The following HBEGF variants were observed in gnomAD, a reference collection of about 807,000 sequenced individuals.
HBEGF encodes the protein proheparin-binding EGF-like growth factor.
In HBEGF, 8 loss-of-function variants were observed where a neutral mutation model predicts 19.5. That is an observed-to-expected ratio of 0.41 (90% CI 0.24 to 0.74). The LOEUF (loss-of-function observed/expected upper bound fraction) is 0.74, where lower values mean the gene tolerates loss of function less well. HBEGF is among the 30% of genes least tolerant of loss of function. The pLI is 0.32. For synonymous variants in HBEGF, 97 were observed against 108.9 expected (o/e 0.89, Z 0.68); for missense variants, 207 against 256.9 (o/e 0.81, Z 1.33).
At position 140,346,284 on chromosome 5, in the gene HBEGF, T is replaced by C; in HGVS notation, c.45A>G (p.Ala15=). ...CGGGGGCGTCGGCAGCCCTCTTACC[T>C]GCAGCCAGAAAGAGCTTCAGCACCA... ...PSVVLKLFLA[A]VLSALVTGES... Residue 15 remains alanine, a splice_region_variant and synonymous_variant, in exon 1 of 6, where the codon GCA becomes GCG. Transcript: ENST00000230990. The surrounding 1 kb of genome is among the most constrained non-coding windows in gnomAD (Gnocchi z 6.1). 1 of 1,606,328 alleles carries C rather than the reference T, an allele frequency of 6.2e-7. No homozygotes were observed. The highest frequency in any genetic ancestry group is 1.7e-5 in the Admixed American group (1 of 59,460).
chr5:140,341,303 G>A (rs952354103), intron 3 of HBEGF, among the ~76,000 whole-genome samples: 3 of 152,208 alleles, frequency 2.0e-5, no homozygotes, highest in African/African-American at 7.2e-5. Flanking sequence ...ATCTGGTATA[G>A]ACAGATTCCT....
chr5:140,344,566 C>T (rs1196462543), intron 2 of HBEGF, among the ~76,000 whole-genome samples: 1 of 151,940 alleles, frequency 6.6e-6, no homozygotes, highest in African/African-American at 2.4e-5. Flanking sequence ...ATCCCCAGAC[C>T]TGAAAAATAG....
At chr5:140,342,896 CT>C in intron 2 of HBEGF, 84 bp from the exon 3 acceptor site, 1 of 1,385,886 alleles carries the variant, frequency 7.2e-7, no homozygotes, top group Non-Finnish European at 1.0e-6. Context: ...AGTATATATG[CT>C]TTGATTCCAC....
chr5:140,341,755 AG>A (rs746744844), intron 3 of HBEGF, among the ~76,000 whole-genome samples: 3 of 152,188 alleles, frequency 2.0e-5, no homozygotes, highest in African/African-American at 4.8e-5. Flanking sequence ...CCCTCCCCAC[AG>A]GGAAGGGAAT....
intron 4 of HBEGF, 40 bp from the exon 5 acceptor site, chr5:140,334,788 T>G: frequency 6.7e-7 from 1 of 1,485,540 alleles, no homozygotes; most frequent in Non-Finnish European, 9.4e-7. Flanking sequence ...CTGCCTGCTA[T>G]GACAAAGTGC....
At chr5:140,340,383 C>T (rs886378643) in intron 3 of HBEGF, among the ~76,000 whole-genome samples, 8 of 151,640 alleles carry the variant, frequency 5.3e-5, no homozygotes, top group Non-Finnish European at 1.0e-4. Flanking sequence ...AGTTCAAGAC[C>T]AGCCTGGCCA....
intron 4 of HBEGF, among the ~76,000 whole-genome samples, chr5:140,335,420 C>A (rs928007050): frequency 1.3e-5 from 2 of 150,870 alleles, no homozygotes; most frequent in Non-Finnish European, 3.0e-5. Flanking sequence ...AGAAAACAGG[C>A]ATAGAGTGCT....
chr5:140,341,565 AGGGCAGCTCTGCT>A (rs986708697), intron 3 of HBEGF, among the ~76,000 whole-genome samples: 3 of 152,172 alleles, frequency 2.0e-5, no homozygotes, highest in Admixed American at 6.5e-5. Context: ...TGCCAAATAC[AGGGCAGCTCTGCT>A]GTGTGTGATC....
At chr5:140,335,276 C>G in intron 4 of HBEGF, 1 of 155,546 alleles carries the variant, frequency 6.4e-6, no homozygotes, top group Non-Finnish European at 1.4e-5. Flanking sequence ...CCCAGCTACT[C>G]AGGAGGCTGA....
At chr5:140,341,238 C>A (rs1442553466) in intron 3 of HBEGF, among the ~76,000 whole-genome samples, 1 of 152,188 alleles carries the variant, frequency 6.6e-6, no homozygotes. Flanking sequence ...CCTTATAAGG[C>A]CTCTCAACCA....
chr5:140,339,756 G>A (rs1766280293), intron 3 of HBEGF, among the ~76,000 whole-genome samples: 2 of 152,154 alleles, frequency 1.3e-5, no homozygotes, highest in Non-Finnish European at 2.9e-5. Context: ...TGTTCATGGT[G>A]GCTGCAGAGG....
chr5:140,343,511 C>T (rs1766346943), intron 2 of HBEGF, among the ~76,000 whole-genome samples: 1 of 152,176 alleles, frequency 6.6e-6, no homozygotes, highest in Non-Finnish European at 1.5e-5. Context: ...TCATATTTAA[C>T]CCCCAATGTC....
intron 3 of HBEGF, among the ~76,000 whole-genome samples, chr5:140,339,725 G>A (rs951354847): frequency 2.6e-5 from 4 of 152,094 alleles, no homozygotes; most frequent in Non-Finnish European, 5.9e-5. Flanking sequence ...CTTTTGGCTG[G>A]TGACACAAAA....
intron 3 of HBEGF, among the ~76,000 whole-genome samples, chr5:140,338,347 G>A (rs1376541100): frequency 6.6e-6 from 1 of 152,166 alleles, no homozygotes; most frequent in Non-Finnish European, 1.5e-5. Flanking sequence ...TTTTAAAGAT[G>A]GACTGAGGCT....
chr5:140,335,301 G>A (rs1050824569), intron 4 of HBEGF, among the ~76,000 whole-genome samples: 15 of 150,434 alleles, frequency 1.0e-4, no homozygotes, highest in East Asian at 2.0e-4. Flanking sequence ...GGAGAATGGC[G>A]TGAACCCAGG....
Position 140,345,985 on chromosome 5 carries a change from T to C in HBEGF, c.146A>G (p.Gln49Arg), listed in dbSNP as rs1292382560. The C allele has an allele frequency of 6.2e-7, 1 of 1,614,184 alleles. No individual in the cohort carries two copies. Among genetic ancestry groups the C allele is most frequent in the Admixed American group, 1.7e-5 (1 of 60,028 alleles). The change falls in exon 2 of 6, where the codon CAG (glutamine) becomes CGG (arginine). Residue 49 changes from glutamine (Q) to arginine (R), a missense_variant. Gln to Arg is a conservative substitution (Grantham distance 43). Around this residue, in one of 3 missense-constraint regions of HBEGF, gnomAD observed 127 missense variants for 132.7 expected, o/e 0.96. Transcript: ENST00000230990. ...CCGGCCGCCTCCTAGGGGTAGCAGC[T>C]GGTCCGTGGATACAGTGGGAGGGTC... is the stretch of plus-strand genomic sequence containing the variant. ...NPDPPTVSTD[Q>R]LLPLGGGRDR...
chr5:140,337,393 C>T (rs1010898348), intron 3 of HBEGF, among the ~76,000 whole-genome samples: 2 of 152,196 alleles, frequency 1.3e-5, no homozygotes, highest in Admixed American at 6.5e-5. Context: ...AACTGCCTAC[C>T]ATCCAGCCAG....
In HBEGF at chr5:140,342,570, G is replaced by A. The variant is rs1766330416; in HGVS notation, c.398+65C>T. 6 of 1,453,990 alleles carry A rather than the reference G, an allele frequency of 4.1e-6. No individual in the cohort carries two copies. The South Asian group carries it at 4.7e-5, about 11-fold the overall frequency. The allele number at this position is 1,453,990 out of a possible 1,614,324, so 90.1% of individuals were successfully genotyped here. ...TATGAATTCAAGGAACAGTGACAAC[G>A]AGGAACAGCCACGTGGCTGACAAAG... On this transcript the variant is annotated intron_variant, in intron 3 of 5. Coordinates refer to ENST00000230990, the MANE Select transcript of HBEGF (RefSeq NM_001945.3).
intron 3 of HBEGF, among the ~76,000 whole-genome samples, chr5:140,340,161 C>T (rs1291720902): frequency 1.3e-5 from 2 of 151,680 alleles, no homozygotes; most frequent in African/African-American, 4.8e-5. Context: ...GGGCATGTGC[C>T]TGTAATACCA....
Sources: allele counts gnomAD v4.1 joint callset (sites outside exome capture counted in the v4.1 genomes callset), GRCh38; gene constraint gnomAD v4.1.1; regional missense constraint gnomAD v4.1.1; non-coding constraint Gnocchi (gnomAD v3.1); transcripts MANE v1.5; gene names NCBI Gene and HGNC (gene_info 2026-07-23, HGNC 2026-07-21).